PRIM2: variants seen among roughly 807,000 people sequenced by gnomAD.
PRIM2 encodes DNA primase subunit 2, also known as DNA primase large subunit.
A neutral mutation model predicts 67.3 loss-of-function variants in PRIM2; 39 were observed. The observed-to-expected ratio is 0.58, with a 90% CI of 0.45 to 0.76. The LOEUF (loss-of-function observed/expected upper bound fraction) is 0.76, where lower values mean the gene tolerates loss of function less well. PRIM2 is among the 30% of genes least tolerant of loss of function. PRIM2 has a pLI of 0.00. For synonymous variants in PRIM2, 143 were observed against 198.7 expected (o/e 0.72, Z 2.36); for missense variants, 398 against 598.7 (o/e 0.66, Z 3.50).
chr6:57,605,324 T>C (rs1395904276), intron 11 of PRIM2, among the ~76,000 whole-genome samples: 1 of 152,226 alleles, frequency 6.6e-6, no homozygotes, highest in Non-Finnish European at 1.5e-5. Flanking sequence ...CTCCTCAGTT[T>C]TTTGGAATAG....
At chr6:57,403,310 G>A (rs946051481) in intron 7 of PRIM2, among the ~76,000 whole-genome samples, 2 of 147,190 alleles carry the variant, frequency 1.4e-5, no homozygotes. Context: ...AGGCTGGAGT[G>A]CAGTGGCGCG....
chr6:57,294,533 T>A, the PRIM2 span, among the ~76,000 whole-genome samples: 1 of 151,882 alleles, frequency 6.6e-6, no homozygotes, highest in Non-Finnish European at 1.5e-5. Flanking sequence ...AAGCAGTATA[T>A]ATAGTATGAT....
At chr6:57,615,661 C>G (rs1196916390) in intron 12 of PRIM2, among the ~76,000 whole-genome samples, 59,253 of 151,860 alleles carry the variant, frequency 0.39, 11,815 homozygotes, top group East Asian at 0.65. Context: ...TTTGGAAGGC[C>G]GAGGTGAGAG....
chr6:57,226,556 T>G, the PRIM2 span, among the ~76,000 whole-genome samples: 1 of 152,206 alleles, frequency 6.6e-6, no homozygotes, highest in African/African-American at 2.4e-5. Context: ...ACCTTGCAGG[T>G]CATATTAGGT....
In PRIM2 at chr6:57,565,395, C is replaced by G. The variant is rs1401068460; in HGVS notation, c.1020+27770C>G. Among the ~76,000 whole-genome samples, 253 of 148,180 alleles carry G rather than the reference C, an allele frequency of 1.7e-3. 1 individual carries two copies. The highest frequency in any genetic ancestry group is 6.0e-3 in the African/African-American group (241 of 39,956). On this transcript the variant is annotated intron_variant, in intron 10 of 13. Coordinates refer to ENST00000615550, the MANE Select transcript of PRIM2 (RefSeq NM_000947.5). ...GGAACTGGCTCATGTGATTATGAAG[C>G]CTGAGAAGTTCTATGATCTGCTGTC...
chr6:57,401,652 A>G (rs2397274), intron 7 of PRIM2, among the ~76,000 whole-genome samples: 9 of 152,156 alleles, frequency 5.9e-5, no homozygotes, highest in African/African-American at 9.6e-5. Flanking sequence ...AGAGAAAGGG[A>G]CCTTAGTAGT....
chr6:57,452,117 A>AT (rs34116230), intron 7 of PRIM2, among the ~76,000 whole-genome samples: 1 of 151,794 alleles, frequency 6.6e-6, no homozygotes, highest in Non-Finnish European at 1.5e-5. Flanking sequence ...TGAACTCATC[A>AT]TTTTTTTATG....
At chr6:57,502,232 C>T (rs1774147523) in intron 7 of PRIM2, among the ~76,000 whole-genome samples, 1 of 152,054 alleles carries the variant, frequency 6.6e-6, no homozygotes, top group African/African-American at 2.4e-5. Context: ...CTCATTATGC[C>T]CCATCTCTTG....
the PRIM2 span, among the ~76,000 whole-genome samples, chr6:57,281,796 T>C: frequency 5.1e-4 from 78 of 152,312 alleles, no homozygotes; most frequent in African/African-American, 1.8e-3. Context: ...TCTCACTCAC[T>C]AAGATATTGA....
At chr6:57,311,497 C>T (rs139840061), upstream of PRIM2, among the ~76,000 whole-genome samples, 73 of 152,012 alleles carry the variant, frequency 4.8e-4, no homozygotes, top group African/African-American at 1.7e-3. Flanking sequence ...GCGCTTCTCA[C>T]GTCCCAGACA....
At chr6:57,587,264 T>C (rs1388978733) in intron 10 of PRIM2, among the ~76,000 whole-genome samples, 1 of 152,144 alleles carries the variant, frequency 6.6e-6, no homozygotes, top group Non-Finnish European at 1.5e-5. Flanking sequence ...TCATGAGAAA[T>C]ATGTAGGGCC....
the PRIM2 span, among the ~76,000 whole-genome samples, chr6:57,233,634 C>T: frequency 3.1e-5 from 4 of 127,282 alleles, no homozygotes; most frequent in South Asian, 9.9e-4. Context: ...CCCTTTCCTC[C>T]CTCCCTCCCT....
At chr6:57,612,233 A>G (rs1291697387) in intron 12 of PRIM2, among the ~76,000 whole-genome samples, 5 of 152,150 alleles carry the variant, frequency 3.3e-5, no homozygotes, top group Non-Finnish European at 7.4e-5. Context: ...ACCTGTAACT[A>G]ATATTTATAG....
chr6:57,593,861 T>C (rs1776322882), intron 10 of PRIM2, among the ~76,000 whole-genome samples: 1 of 152,214 alleles, frequency 6.6e-6, no homozygotes, highest in African/African-American at 2.4e-5. Context: ...TAGACATGTA[T>C]ACAAAGGCAG....
intron 10 of PRIM2, among the ~76,000 whole-genome samples, chr6:57,582,711 A>AATGG (rs2127485472): frequency 6.6e-6 from 1 of 152,002 alleles, no homozygotes; most frequent in East Asian, 1.9e-4. Flanking sequence ...CCTGTAGTTG[A>AATGG]ATGGATAACT....
intron 8 of PRIM2, among the ~76,000 whole-genome samples, chr6:57,515,744 T>C (rs1774474343): frequency 6.6e-6 from 1 of 152,216 alleles, no homozygotes; most frequent in South Asian, 2.1e-4. Context: ...ACCAGTGTAT[T>C]AGTTTTCTAT....
intron 7 of PRIM2, among the ~76,000 whole-genome samples, chr6:57,392,932 T>C (rs1323872125): frequency 1.3e-5 from 2 of 149,100 alleles, no homozygotes; most frequent in Non-Finnish European, 2.9e-5. Context: ...CGTAGAATAG[T>C]AGTGTCTCAT....
At chr6:57,423,787 T>C (rs1771536970) in intron 7 of PRIM2, among the ~76,000 whole-genome samples, 1 of 152,322 alleles carries the variant, frequency 6.6e-6, no homozygotes, top group South Asian at 2.1e-4. Context: ...AGAGTAGTAC[T>C]CACTGTGATT....
At chr6:57,269,128 C>T in the PRIM2 span, among the ~76,000 whole-genome samples, 3 of 151,446 alleles carry the variant, frequency 2.0e-5, no homozygotes, top group Admixed American at 1.3e-4. Flanking sequence ...GCATGATTTA[C>T]AGTCCTTTGG....
Sources: gnomAD v4.1 joint callset for allele counts (sites outside exome capture counted in the v4.1 genomes callset) on GRCh38, gnomAD v4.1.1 for gene constraint, MANE v1.5 for transcripts, NCBI Gene and HGNC (gene_info 2026-07-23, HGNC 2026-07-21) for gene names.